TMEM51: variants seen among roughly 807,000 people sequenced by gnomAD.
TMEM51 encodes transmembrane protein 51.
TMEM51 carries 8 observed loss-of-function variants against 13.6 expected under a neutral mutation model. The observed-to-expected ratio is 0.59, with a 90% CI of 0.35 to 1.07. The LOEUF (loss-of-function observed/expected upper bound fraction) is 1.07, where lower values mean the gene tolerates loss of function less well. Ranked by LOEUF, TMEM51 falls within the 50% of genes least tolerant of loss-of-function variation. TMEM51 has a pLI of 0.02. For missense variants in TMEM51, 279 were observed against 330.7 expected (o/e 0.84, Z 1.21); for synonymous variants, 147 against 144.4 (o/e 1.02, Z -0.13).
chr1:15,202,576 A>G (rs1251898999), intron 1 of TMEM51, among the ~76,000 whole-genome samples: 1 of 151,960 alleles, frequency 6.6e-6, no homozygotes, highest in African/African-American at 2.4e-5. Flanking sequence ...GCATCCCTGG[A>G]CTTGTGACTC....
chr1:15,164,987 G>A, intron 1 of TMEM51, among the ~76,000 whole-genome samples: 1 of 152,046 alleles, frequency 6.6e-6, no homozygotes, highest in East Asian at 1.9e-4. Context: ...ATTTGTAGTA[G>A]AGACGAGGTT....
intron 1 of TMEM51, among the ~76,000 whole-genome samples, chr1:15,185,301 T>C (rs959546242): frequency 2.6e-5 from 4 of 152,214 alleles, no homozygotes; most frequent in African/African-American, 7.2e-5. Context: ...AGTTGTGATA[T>C]TTTTTCTTTT....
intron 1 of TMEM51, among the ~76,000 whole-genome samples, chr1:15,175,870 G>A (rs1394767691): frequency 2.0e-5 from 3 of 152,170 alleles, no homozygotes; most frequent in African/African-American, 7.2e-5. Context: ...AGATTTGGGT[G>A]GGCGCACAGC....
chr1:15,208,051 G>A (rs1029521112), intron 1 of TMEM51, among the ~76,000 whole-genome samples: 3 of 152,172 alleles, frequency 2.0e-5, no homozygotes, highest in African/African-American at 4.8e-5. Context: ...CCTGGCATGC[G>A]GTGCTGGGGC....
chr1:15,168,691 G>T, intron 1 of TMEM51: 1 of 1,304,350 alleles, frequency 7.7e-7, no homozygotes, highest in Non-Finnish European at 1.0e-6. Flanking sequence ...TAGAACACGC[G>T]TACTGTCTCT....
At chr1:15,206,520 G>T in intron 1 of TMEM51, among the ~76,000 whole-genome samples, 1 of 152,146 alleles carries the variant, frequency 6.6e-6, no homozygotes, top group East Asian at 1.9e-4. Context: ...CAGTCAGCTG[G>T]ATTTGATTAT....
chr1:15,205,874 C>T (rs1201027681), intron 1 of TMEM51, among the ~76,000 whole-genome samples: 2 of 152,098 alleles, frequency 1.3e-5, no homozygotes, highest in Non-Finnish European at 1.5e-5. Context: ...ATCTCGGTAT[C>T]CCCCAAAGCT....
At chr1:15,210,764 C>T (rs1348759517) in intron 2 of TMEM51, among the ~76,000 whole-genome samples, 1 of 152,174 alleles carries the variant, frequency 6.6e-6, no homozygotes, top group Non-Finnish European at 1.5e-5. Context: ...CCGTGTGGTC[C>T]AAATCCTCTA....
chr1:15,213,849 T>G (rs1436702679), intron 2 of TMEM51, among the ~76,000 whole-genome samples: 1 of 148,882 alleles, frequency 6.7e-6, no homozygotes, highest in East Asian at 1.9e-4. Flanking sequence ...CTCTGCAAAC[T>G]TTTTTTTTTC....
chr1:15,164,407 T>G (rs1349355195), intron 1 of TMEM51: 3 of 456,148 alleles, frequency 6.6e-6, no homozygotes. Context: ...TGAATTTCGG[T>G]TTGCCTGATG....
chr1:15,176,347 G>A (rs1057493753), intron 1 of TMEM51, among the ~76,000 whole-genome samples: 1 of 152,150 alleles, frequency 6.6e-6, no homozygotes, highest in Non-Finnish European at 1.5e-5. Flanking sequence ...AGAGAAAGCG[G>A]GAATGAAACC....
intron 2 of TMEM51, 69 bp from the exon 3 acceptor site, chr1:15,214,826 C>G (rs74053451): frequency 1.7e-5 from 8 of 480,180 alleles, no homozygotes; most frequent in African/African-American, 3.9e-5. Context: ...AAGAGCAGAG[C>G]CGCCACATTC....
chr1:15,169,714 G>T (rs1363015693), intron 1 of TMEM51, among the ~76,000 whole-genome samples: 3 of 152,144 alleles, frequency 2.0e-5, no homozygotes, highest in Non-Finnish European at 4.4e-5. Context: ...ACACCACATG[G>T]CCATTCAACA....
chr1:15,193,575 C>CTTTTT (rs3078881), intron 1 of TMEM51, among the ~76,000 whole-genome samples: 11,945 of 113,240 alleles, frequency 0.11, 871 homozygotes, highest in Non-Finnish European at 0.15. Flanking sequence ...TTCTTTCTTT[C>CTTTTT]TTTTTTTTTT....
At chr1:15,187,126 C>T (rs1031062735) in intron 1 of TMEM51, among the ~76,000 whole-genome samples, 14 of 152,130 alleles carry the variant, frequency 9.2e-5, no homozygotes, top group African/African-American at 3.4e-4. Context: ...CCACAGCTAT[C>T]CAGTGGGAGT....
intron 1 of TMEM51, among the ~76,000 whole-genome samples, chr1:15,188,600 T>C (rs1438113756): frequency 6.6e-6 from 1 of 152,234 alleles, no homozygotes; most frequent in African/African-American, 2.4e-5. Flanking sequence ...AGAAAGACAG[T>C]AGCATTCTAC....
chr1:15,158,414 C>G (rs1008728730), intron 1 of TMEM51, among the ~76,000 whole-genome samples: 4 of 152,154 alleles, frequency 2.6e-5, no homozygotes, highest in Non-Finnish European at 5.9e-5. Context: ...GGGAGGGAGA[C>G]AGCTTTGTTT....
rs1644269282 is a variant in TMEM51, at chr1:15,207,393, C to T, written c.-266-3097C>T. On this transcript the variant is annotated intron_variant, in intron 1 of 3. Coordinates refer to ENST00000376008, the MANE Select transcript of TMEM51 (RefSeq NM_001136218.2). The surrounding 1 kb of genome is among the most constrained non-coding windows in gnomAD (Gnocchi z 4.6). ...GTTTCTGCAATTCAGCGAGAAGAGG[C>T]AGCGGAAGGCCCAGCCATCAATGCT... 2.0e-5 allele frequency among the ~76,000 whole-genome samples: 3 copies of T among 152,234 alleles called. No homozygotes were observed. In the South Asian group the frequency reaches 6.2e-4, roughly 32 times the overall value.
At chr1:15,203,135 TGTGG>T (rs1322511759) in intron 1 of TMEM51, among the ~76,000 whole-genome samples, 1 of 152,148 alleles carries the variant, frequency 6.6e-6, no homozygotes, top group South Asian at 2.1e-4. Flanking sequence ...GCCTTGGCTC[TGTGG>T]TTCCCTCCTC....
Sources: allele counts gnomAD v4.1 joint callset (sites outside exome capture counted in the v4.1 genomes callset), GRCh38; gene constraint gnomAD v4.1.1; non-coding constraint Gnocchi (gnomAD v3.1); transcripts MANE v1.5; gene names NCBI Gene and HGNC (gene_info 2026-07-23, HGNC 2026-07-21).